The following PTPRN2 variants were observed in gnomAD, a reference collection of about 807,000 sequenced individuals.
The protein encoded by PTPRN2 is protein tyrosine phosphatase receptor type N2.
In PTPRN2, 74 loss-of-function variants were observed where a neutral mutation model predicts 118.8. The ratio of observed to expected loss-of-function variants is 0.62; its 90% confidence interval spans 0.52 to 0.76. The LOEUF is 0.76. PTPRN2 is among the 30% of genes least tolerant of loss of function. The probability of loss-of-function intolerance (pLI) is 0.00; values close to 1 mark genes in which losing one functional copy is unlikely to be tolerated. For missense variants in PTPRN2, 1,481 were observed against 1,394.4 expected, an observed-to-expected ratio of 1.06 and a Z score of -0.99; for synonymous variants, 641 against 608.0, an observed-to-expected ratio of 1.05 and a Z score of -0.80.
intron 12 of PTPRN2, among the ~76,000 whole-genome samples, chr7:157,772,372 G>GAC (rs1322388022): frequency 6.6e-6 from 1 of 150,704 alleles, no homozygotes. Context: ...CACAGACACA[G>GAC]ACACACACAG....
chr7:158,004,349 TC>T (rs1805499618), intron 11 of PTPRN2, among the ~76,000 whole-genome samples: 1 of 152,190 alleles, frequency 6.6e-6, no homozygotes, highest in African/African-American at 2.4e-5. Flanking sequence ...CCCAGATGCT[TC>T]CTGTGTGTCC....
intron 13 of PTPRN2, among the ~76,000 whole-genome samples, chr7:157,677,393 T>C (rs1307039453): frequency 6.6e-6 from 1 of 152,208 alleles, no homozygotes; most frequent in Non-Finnish European, 1.5e-5. Context: ...AGCATGCTTC[T>C]GTTTTATGTT....
intron 9 of PTPRN2, among the ~76,000 whole-genome samples, chr7:158,123,953 C>A (rs563127843): frequency 6.7e-6 from 1 of 149,458 alleles, no homozygotes; most frequent in Non-Finnish European, 1.5e-5. Flanking sequence ...CCGACCCAGG[C>A]GGAGCTGGTT....
chr7:158,284,312 G>A (rs981705677), intron 3 of PTPRN2, among the ~76,000 whole-genome samples: 1 of 151,780 alleles, frequency 6.6e-6, no homozygotes, highest in Non-Finnish European at 1.5e-5. Flanking sequence ...GGGCACTGTT[G>A]TGGGCTGGGC....
intron 2 of PTPRN2, among the ~76,000 whole-genome samples, chr7:158,374,476 C>T (rs1182066332): frequency 1.3e-5 from 2 of 151,810 alleles, no homozygotes; most frequent in African/African-American, 2.4e-5. Context: ...GACACTAGCC[C>T]GAGAGAAACA....
intron 11 of PTPRN2, among the ~76,000 whole-genome samples, chr7:157,973,855 C>T (rs1357580536): frequency 3.9e-5 from 6 of 152,268 alleles, no homozygotes; most frequent in East Asian, 3.9e-4. Context: ...GTCTTTCTTC[C>T]GTTAGGGTGG....
intron 3 of PTPRN2, among the ~76,000 whole-genome samples, chr7:158,238,233 C>T (rs1795662919): frequency 1.3e-5 from 2 of 152,128 alleles, no homozygotes; most frequent in East Asian, 1.9e-4. Context: ...CTCTGGGGGG[C>T]ATCCCTCCCT....
intron 21 of PTPRN2, 144 bp from the exon 22 acceptor site, chr7:157,549,163 G>A (rs1798471094): frequency 2.6e-6 from 2 of 768,054 alleles, no homozygotes; most frequent in Non-Finnish European, 4.4e-6. Flanking sequence ...CTGGCAGGCG[G>A]CTGCAATTTC....
chr7:158,469,613 G>A (rs78813123), intron 2 of PTPRN2, among the ~76,000 whole-genome samples: 2,002 of 152,058 alleles, frequency 0.013, 60 homozygotes, highest in African/African-American at 0.045. Flanking sequence ...CCGAGCACTC[G>A]CTCGAGAGCG....
intron 2 of PTPRN2, among the ~76,000 whole-genome samples, chr7:158,325,519 C>T (rs1029238917): frequency 6.6e-6 from 1 of 152,224 alleles, no homozygotes; most frequent in Non-Finnish European, 1.5e-5. Context: ...CCTATTCAAT[C>T]ATTTGTGTAA....
intron 3 of PTPRN2, among the ~76,000 whole-genome samples, chr7:158,252,848 C>T (rs578114102): frequency 6.6e-6 from 1 of 152,288 alleles, no homozygotes; most frequent in East Asian, 1.9e-4. Flanking sequence ...CCACCACCCC[C>T]GATTGATGGG....
At chr7:157,852,745 T>C (rs974798228) in intron 12 of PTPRN2, among the ~76,000 whole-genome samples, 1 of 150,694 alleles carries the variant, frequency 6.6e-6, no homozygotes, top group Non-Finnish European at 1.5e-5. Context: ...GGTGGGCGCC[T>C]GTAATCCCAG....
At chr7:158,179,030 T>C (rs536646454) in intron 5 of PTPRN2, among the ~76,000 whole-genome samples, 10 of 152,354 alleles carry the variant, frequency 6.6e-5, no homozygotes, top group East Asian at 1.9e-4. Flanking sequence ...AGTAGTGAGA[T>C]TGCTGGATCA....
intron 2 of PTPRN2, among the ~76,000 whole-genome samples, chr7:158,485,362 G>A (rs1201438033): frequency 4.5e-5 from 6 of 133,232 alleles, no homozygotes; most frequent in Admixed American, 3.1e-4. Flanking sequence ...CCTCCTGCTC[G>A]GCCACCCCTC....
At chr7:158,462,929 G>T (rs901558148) in intron 2 of PTPRN2, among the ~76,000 whole-genome samples, 5 of 141,244 alleles carry the variant, frequency 3.5e-5, no homozygotes, top group African/African-American at 5.3e-5. Flanking sequence ...CAACTTGGGG[G>T]TTACATTTAT....
chr7:158,300,586 G>GCCTCGCCCGCCACCCAGTCCCGCAGCA (rs1800822890), intron 3 of PTPRN2, among the ~76,000 whole-genome samples: 3 of 152,342 alleles, frequency 2.0e-5, no homozygotes, highest in South Asian at 4.1e-4. Context: ...GTCCCGCAGC[G>GCCTCGCCCGCCACCCAGTCCCGCAGCA]CCTCGCCCCC....
At chr7:158,501,223 G>A (rs1042710906) in intron 1 of PTPRN2, among the ~76,000 whole-genome samples, 4 of 152,220 alleles carry the variant, frequency 2.6e-5, no homozygotes, top group African/African-American at 9.6e-5. Flanking sequence ...CTCCTTCCTG[G>A]AAGGAAAGAT....
chr7:158,247,194 C>A (rs921996449), intron 3 of PTPRN2, among the ~76,000 whole-genome samples: 2 of 152,148 alleles, frequency 1.3e-5, no homozygotes, highest in Non-Finnish European at 2.9e-5. Context: ...GTGGGTGGCA[C>A]CCCCCAGCAT....
chr7:157,555,675 G>A (rs1330958069), intron 21 of PTPRN2, among the ~76,000 whole-genome samples: 1 of 152,242 alleles, frequency 6.6e-6, no homozygotes, highest in East Asian at 1.9e-4. Context: ...GCAAACTGCA[G>A]GGATGCAATG....
Sources: gnomAD v4.1 joint callset for allele counts (sites outside exome capture counted in the v4.1 genomes callset) on GRCh38, gnomAD v4.1.1 for gene constraint, MANE v1.5 for transcripts, NCBI Gene and HGNC (gene_info 2026-07-23, HGNC 2026-07-21) for gene names.